The following SRA1 variants were observed in gnomAD, a reference collection of about 807,000 sequenced individuals.
The protein encoded by SRA1 is steroid receptor RNA activator 1.
SRA1 carries 25 observed loss-of-function variants against 24.3 expected under a neutral mutation model. The observed-to-expected ratio is 1.03, with a 90% confidence interval of 0.75 to 1.43. The LOEUF is 1.43. Among genes scored for constraint, SRA1 ranks in the 40% most tolerant of loss-of-function variants. The probability of loss-of-function intolerance (pLI) is 0.00; values close to 1 mark genes in which losing one functional copy is unlikely to be tolerated. For missense variants in SRA1, 303 were observed against 286.6 expected (o/e 1.06, Z -0.41); for synonymous variants, 104 against 109.5 (o/e 0.95, Z 0.31).
At chr5:140,553,284 T>C (rs937898763) in intron 2 of SRA1, among the ~76,000 whole-genome samples, 2 of 149,754 alleles carry the variant, frequency 1.3e-5, no homozygotes, top group African/African-American at 4.9e-5. Context: ...GAGAGCAGCC[T>C]GAGCAGCATA....
chr5:140,552,156 A>G lies in SRA1; in HGVS notation c.180T>C (p.Pro60=), dbSNP rs1361440617. 2.5e-6 allele frequency: 4 copies of G among 1,605,782 alleles called. No homozygotes were observed. The South Asian group carries it at 3.3e-5, about 13-fold the overall frequency. ...AAGGAGGTGGAGGCCCCATTGGGGG[A>G]GGCCCAGGAGAAGTCTCTGATGCGG... ...RVPASETSPG[P]PPMGPPPPSS... is the part of the protein sequence containing the mutation. The change falls in exon 3 of 5, where the codon CCT becomes CCC. Residue 60 remains proline (P), a synonymous_variant. Transcript: ENST00000336283.
At chr5:140,551,533 G>A (rs1004441675) in intron 3 of SRA1, 2 of 224,658 alleles carry the variant, frequency 8.9e-6, no homozygotes, top group Admixed American at 5.2e-5. Context: ...AGAAAACTAA[G>A]CGCCAAAGAG....
rs765861324 is a variant in SRA1, at chr5:140,552,091, G to A, written c.245C>T (p.Pro82Leu). The change falls in exon 3 of 5, where the codon CCT (proline) becomes CTT (leucine). Residue 82 changes from proline to leucine, a missense_variant. Coordinates refer to ENST00000336283, the MANE Select transcript of SRA1 (RefSeq NM_001035235.4). ...ACTTGTGGGCTCCACGCCAGAGGCA[G>A]GACCACTCCCCACAGGTGGGGACCT... ...APRSPPVGSG[P>L]ASGVEPTSFP... The A allele has an allele frequency of 2.5e-6, 4 of 1,613,914 alleles. No homozygotes were observed. Among genetic ancestry groups the A allele is most frequent in the Admixed American group, 3.3e-5 (2 of 60,012 alleles).
upstream of SRA1, chr5:140,557,738 AAAG>A (rs988206526): frequency 1.8e-5 from 10 of 542,504 alleles, no homozygotes; most frequent in African/African-American, 2.0e-4. Context: ...AAATTCAAAC[AAAG>A]AAGCTCCTGC....
intron 2 of SRA1, among the ~76,000 whole-genome samples, chr5:140,556,324 C>T (rs1460512167): frequency 1.3e-5 from 2 of 152,094 alleles, no homozygotes; most frequent in Non-Finnish European, 2.9e-5. Flanking sequence ...GGAAAATTCT[C>T]GGGGGGAAAG....
chr5:140,554,096 A>G (rs1283461690), intron 2 of SRA1, among the ~76,000 whole-genome samples: 4 of 151,444 alleles, frequency 2.6e-5, no homozygotes, highest in African/African-American at 9.7e-5. Flanking sequence ...TCACACTATC[A>G]CCTCCAAAAT....
At chr5:140,557,508 G>C, upstream of SRA1, 2 of 1,534,990 alleles carry the variant, frequency 1.3e-6, no homozygotes, top group Non-Finnish European at 1.8e-6. Flanking sequence ...GGCCCCTCAC[G>C]CGGGCCAGTT....
Position 140,550,532 on chromosome 5 carries a change from G to A in SRA1, c.*168C>T. On this transcript the variant is annotated 3_prime_UTR_variant, in exon 5 of 5. Transcript: ENST00000336283. ...ACCGCAGAGATGTTTTTATTGAAATGCATGTTATGAGTAACACATGAACTC... is the reference window on the plus strand; with the variant it reads ...ACCGCAGAGATGTTTTTATTGAAATACATGTTATGAGTAACACATGAACTC... 1.5e-6 allele frequency: 1 copy of A among 655,738 alleles called. No individual in the cohort carries two copies. Among genetic ancestry groups the A allele is most frequent in the Non-Finnish European group, 2.7e-6 (1 of 367,358 alleles). The allele number at this position is 655,738 out of a possible 1,614,324, so 40.6% of individuals were successfully genotyped here.
chr5:140,556,416 A>G (rs1214060545), intron 2 of SRA1, among the ~76,000 whole-genome samples: 1 of 152,174 alleles, frequency 6.6e-6, no homozygotes, highest in Non-Finnish European at 1.5e-5. Context: ...CTGCTTTACA[A>G]AGCCCACTAT....
Position 140,550,910 on chromosome 5 carries a change from CT to C in SRA1, c.464del (p.Glu155GlyfsTer22), listed in dbSNP as rs1356612762. The stretch of plus-strand genomic sequence containing the variant: ...CTGCGTCCCACCGGTGGCTTGAAAG[CT>C]CTGAAGAGAGACGGGGGTTGAGCAA... ...VKKRMALLVQ[E>X]LSSHRWDAAD... On this transcript the variant is annotated frameshift_variant and splice_region_variant, in exon 5 of 5. Coordinates refer to ENST00000336283, the MANE Select transcript of SRA1 (RefSeq NM_001035235.4). LOFTEE classifies it high-confidence loss of function. 6.2e-7 allele frequency: 1 copy of C among 1,614,064 alleles called. No individual in the cohort carries two copies. Among genetic ancestry groups the C allele is most frequent in the Non-Finnish European group, 8.5e-7 (1 of 1,179,978 alleles).
chr5:140,550,940 G>C (rs1754537378), intron 4 of SRA1, 29 bp from the exon 5 acceptor site: 1 of 1,607,312 alleles, frequency 6.2e-7, no homozygotes, highest in Non-Finnish European at 8.5e-7. Context: ...TGAGCAAGCA[G>C]CCTGTGGTAC....
intron 2 of SRA1, among the ~76,000 whole-genome samples, chr5:140,554,116 C>T (rs1220225967): frequency 6.6e-6 from 1 of 152,104 alleles, no homozygotes; most frequent in Non-Finnish European, 1.5e-5. Context: ...TCTGATCACC[C>T]CCTTACCCCT....
Position 140,552,044 on chromosome 5 carries a change from C to CA in SRA1, c.291dup (p.Val98CysfsTer26). ...AAAGGTCTCAGCACATCCTCCATCA[C>CA]AGCCTCAGACTCGACTGGGAAACTT... On this transcript the variant is annotated frameshift_variant, in exon 3 of 5. Coordinates refer to ENST00000336283, the MANE Select transcript of SRA1 (RefSeq NM_001035235.4). LOFTEE classifies it high-confidence loss of function. 2.5e-6 allele frequency: 4 copies of CA among 1,612,770 alleles called. No individual in the cohort carries two copies. The highest frequency in any genetic ancestry group is 3.3e-5 in the Admixed American group (2 of 59,866).
chr5:140,551,233 G>A (rs1341383372), intron 3 of SRA1, 64 bp from the exon 4 acceptor site: 2 of 1,306,652 alleles, frequency 1.5e-6, no homozygotes, highest in Non-Finnish European at 2.2e-6. Context: ...GAGAGGGGAA[G>A]ACAGCACCAC....
At chr5:140,555,697 C>T (rs1754676375) in intron 2 of SRA1, among the ~76,000 whole-genome samples, 1 of 152,134 alleles carries the variant, frequency 6.6e-6, no homozygotes, top group Admixed American at 6.5e-5. Context: ...TGGCCTAGAA[C>T]ATTCCCCAAA....
At chr5:140,557,353 AT>A in intron 1 of SRA1, 74 bp downstream of exon 1, 1 of 1,603,960 alleles carries the variant, frequency 6.2e-7, no homozygotes, top group Non-Finnish European at 8.5e-7. Context: ...CAGAGGGTCC[AT>A]ACTAAGCGCC....
rs781475736 is a variant in SRA1, at chr5:140,557,101, C to A, written c.151+46G>T. 19 of 1,166,816 alleles carry A rather than the reference C, an allele frequency of 1.6e-5. 1 individual carries two copies. The highest frequency in any genetic ancestry group is 4.0e-5 in the Admixed American group (2 of 49,708). The allele number at this position is 1,166,816 out of a possible 1,614,324, so 72.3% of individuals were successfully genotyped here. On this transcript the variant is annotated intron_variant, in intron 2 of 4. Coordinates refer to ENST00000336283, the MANE Select transcript of SRA1 (RefSeq NM_001035235.4). ...AAACAGGCTTATGCCTTACACCCCC[C>A]CCCCCCCATTCTCCGTCTGTCTCCG...
Position 140,550,852 on chromosome 5 carries a change from G to T in SRA1, c.523C>A (p.His175Asn). 1 of 1,614,106 alleles carries T rather than the reference G, an allele frequency of 6.2e-7. No homozygotes were observed. Among genetic ancestry groups the T allele is most frequent in the Non-Finnish European group, 8.5e-7 (1 of 1,180,030 alleles). ...ATCCACTGACTGACCTCAGTCACAT[G>T]GTCAACCATGAGGGAGCGGTGGATG... ...DDIHRSLMVD[H>N]VTEVSQWMVG... Residue 175 changes from histidine to asparagine, a missense_variant, in exon 5 of 5, where the codon CAT (histidine) becomes AAT (asparagine). By Grantham distance (68) the His-to-Asn change is moderately conservative (BLOSUM62 1). Transcript: ENST00000336283.
At chr5:140,554,685 CCTTA>C (rs1295690837) in intron 2 of SRA1, among the ~76,000 whole-genome samples, 8 of 152,160 alleles carry the variant, frequency 5.3e-5, no homozygotes, top group Non-Finnish European at 1.5e-5. Context: ...CAAAACACTC[CCTTA>C]CTTCATGTTC....
Sources: allele counts gnomAD v4.1 joint callset (sites outside exome capture counted in the v4.1 genomes callset), GRCh38; gene constraint gnomAD v4.1.1; transcripts MANE v1.5; gene names NCBI Gene and HGNC (gene_info 2026-07-23, HGNC 2026-07-21).